Variants in PHTF2 observed in about 807,000 individuals in gnomAD.
The protein encoded by PHTF2 is protein PHTF2.
PHTF2 carries 60 observed loss-of-function variants against 101.2 expected under a neutral mutation model. That is an observed-to-expected ratio of 0.59 (90% CI 0.48 to 0.73). PHTF2 has a LOEUF of 0.73. Among genes scored for constraint, PHTF2 ranks in the 30% least tolerant of loss-of-function variants. The pLI is 0.00. For synonymous variants in PHTF2, 311 were observed against 307.3 expected (o/e 1.01, Z -0.13); for missense variants, 747 against 908.7 (o/e 0.82, Z 2.29).
In PHTF2 at chr7:77,950,742, A is replaced by G. The variant is rs139940725; in HGVS notation, c.2116-875A>G. 1.8e-3 allele frequency among the ~76,000 whole-genome samples: 269 copies of G among 152,176 alleles called. 1 individual carries two copies. The highest frequency in any genetic ancestry group is 6.1e-3 in the African/African-American group (254 of 41,532). On this transcript the variant is annotated intron_variant, in intron 17 of 19. Coordinates refer to ENST00000416283, the Ensembl canonical transcript of PHTF2. ...CTGAGGCTAATGGTTTCTCATTTCC[A>G]CCCTTCTAATCACCTTTCTTTCTGT...
exon 12 of PHTF2, chr7:77,929,262 G>A (rs1318784477): frequency 1.3e-5 from 21 of 1,611,632 alleles, no homozygotes; most frequent in Non-Finnish European, 1.7e-5. Flanking sequence ...CAGTGAGACA[G>A]ATGTGGAAAA....
intron 1 of PHTF2, among the ~76,000 whole-genome samples, chr7:77,839,227 A>G (rs567883777): frequency 7.9e-5 from 12 of 152,292 alleles, no homozygotes; most frequent in African/African-American, 2.6e-4. Context: ...TCTGCAGCCA[A>G]TAACTGCTTT....
At chr7:77,877,932 G>A (rs1419596465) in intron 3 of PHTF2, among the ~76,000 whole-genome samples, 2 of 152,168 alleles carry the variant, frequency 1.3e-5, no homozygotes, top group Non-Finnish European at 2.9e-5. Context: ...GTCTGGCTTT[G>A]AATCACTGTT....
At chr7:77,860,625 C>G (rs889752154) in intron 3 of PHTF2, among the ~76,000 whole-genome samples, 3 of 152,174 alleles carry the variant, frequency 2.0e-5, no homozygotes, top group African/African-American at 7.2e-5. Flanking sequence ...TCAATAAATA[C>G]TGCTATAGCA....
intron 3 of PHTF2, among the ~76,000 whole-genome samples, chr7:77,884,274 T>C (rs1245168305): frequency 6.6e-6 from 1 of 152,224 alleles, no homozygotes; most frequent in African/African-American, 2.4e-5. Flanking sequence ...AAGTGGTTTT[T>C]GGTTACATGA....
chr7:77,799,705 C>A (rs1377335891), intron 1 of PHTF2, among the ~76,000 whole-genome samples: 1 of 152,210 alleles, frequency 6.6e-6, no homozygotes, highest in Non-Finnish European at 1.5e-5. Context: ...CCTTGTGTAA[C>A]TTCAGGGATC....
intron 2 of PHTF2, among the ~76,000 whole-genome samples, chr7:77,844,760 T>C (rs1185872745): frequency 6.6e-6 from 1 of 152,078 alleles, no homozygotes; most frequent in Non-Finnish European, 1.5e-5. Context: ...CTTGACCTCA[T>C]GCGATTTGCC....
intron 18 of PHTF2, 39 bp from the exon 18 acceptor site, chr7:77,953,730 T>A: frequency 6.3e-7 from 1 of 1,584,418 alleles, no homozygotes; most frequent in Non-Finnish European, 8.6e-7. Flanking sequence ...TAGTAATTCT[T>A]TTTGAATCTG....
At chr7:77,837,073 T>A (rs1795534953) in intron 1 of PHTF2, among the ~76,000 whole-genome samples, 2 of 152,226 alleles carry the variant, frequency 1.3e-5, no homozygotes, top group Non-Finnish European at 2.9e-5. Flanking sequence ...CCTAATGTTA[T>A]GCCTGCAGTT....
rs66540211 is a variant in PHTF2, at chr7:77,954,612, G to GTATATATA, written c.2338-219_2338-212dup. Among the ~76,000 whole-genome samples the GTATATATA allele has an allele frequency of 7.7e-3, 697 of 90,092 alleles. 8 individuals carry two copies. Among genetic ancestry groups the GTATATATA allele is most frequent in the African/African-American group, 0.017 (363 of 21,008 alleles). 59.1% of individuals were successfully genotyped at this position (90,092 alleles called of 152,430 possible). On this transcript the variant is annotated intron_variant, in intron 19 of 19. Coordinates refer to ENST00000416283, the Ensembl canonical transcript of PHTF2. ...GATAATCATATTAAACAAGTACTGT[G>GTATATATA]TATATATATATATATATATATATAT...
At chr7:77,941,063 A>T (rs1212963469) in intron 15 of PHTF2, among the ~76,000 whole-genome samples, 1 of 152,134 alleles carries the variant, frequency 6.6e-6, no homozygotes, top group Non-Finnish European at 1.5e-5. Flanking sequence ...TTTTCTGAGG[A>T]TTACTTCTTG....
chr7:77,883,877 T>C (rs1006954009), intron 3 of PHTF2, among the ~76,000 whole-genome samples: 3 of 152,334 alleles, frequency 2.0e-5, no homozygotes, highest in African/African-American at 7.2e-5. Flanking sequence ...AAAAGTGAAA[T>C]AATTGAAGCC....
chr7:77,934,026 A>G (rs1804859442), intron 12 of PHTF2, among the ~76,000 whole-genome samples: 1 of 152,174 alleles, frequency 6.6e-6, no homozygotes, highest in African/African-American at 2.4e-5. Context: ...ACAGATTTTT[A>G]ATTCTCAGGT....
chr7:77,928,989 T>C, intron 11 of PHTF2, 120 bp from the exon 11 acceptor site: 1 of 641,936 alleles, frequency 1.6e-6, no homozygotes, highest in Non-Finnish European at 2.7e-6. Flanking sequence ...TGTCTCACTA[T>C]CTTTTGAGGG....
intron 17 of PHTF2, among the ~76,000 whole-genome samples, chr7:77,950,963 C>T (rs1348344784): frequency 6.6e-6 from 1 of 152,172 alleles, no homozygotes; most frequent in Non-Finnish European, 1.5e-5. Flanking sequence ...GCCTAATCAG[C>T]GATGGCTGCC....
chr7:77,809,320 G>T (rs903968032), intron 1 of PHTF2, among the ~76,000 whole-genome samples: 10 of 143,064 alleles, frequency 7.0e-5, no homozygotes, highest in African/African-American at 2.6e-5. Context: ...TCCGCCTCCC[G>T]GCTTCAAATG....
chr7:77,955,272 A>G (rs1330345368), exon 20 of PHTF2: 1 of 154,758 alleles, frequency 6.5e-6, no homozygotes, highest in Admixed American at 6.5e-5. Context: ...ACTTTGGAAT[A>G]TTGCATTGAA....
intron 2 of PHTF2, among the ~76,000 whole-genome samples, chr7:77,849,959 A>G (rs964876664): frequency 1.3e-5 from 2 of 151,650 alleles, no homozygotes; most frequent in Admixed American, 1.3e-4. Flanking sequence ...AAACAAGGAT[A>G]ATTGGACTTC....
At chr7:77,923,757 G>T (rs978840589) in intron 11 of PHTF2, 1 of 984,810 alleles carries the variant, frequency 1.0e-6, no homozygotes, top group Admixed American at 6.1e-5. Context: ...TGCTGGAAGG[G>T]AGACGGAGGG....
Sources: allele counts gnomAD v4.1 joint callset (sites outside exome capture counted in the v4.1 genomes callset), GRCh38; gene constraint gnomAD v4.1.1; transcripts MANE v1.5; gene names NCBI Gene and HGNC (gene_info 2026-07-23, HGNC 2026-07-21).